The following LDLRAD4 variants were observed in gnomAD, a reference collection of about 807,000 sequenced individuals.
LDLRAD4 encodes low density lipoprotein receptor class A domain containing 4.
Under a neutral mutation model 17.0 loss-of-function variants are expected in LDLRAD4, and 5 were observed. That is an observed-to-expected ratio of 0.29 (90% CI 0.15 to 0.62). The LOEUF is 0.62. LDLRAD4 is among the 20% of genes least tolerant of loss of function. LDLRAD4 has a pLI of 0.84. For synonymous variants in LDLRAD4, 168 were observed against 171.8 expected, an observed-to-expected ratio of 0.98 and a Z score of 0.17; for missense variants, 340 against 424.7, an observed-to-expected ratio of 0.80 and a Z score of 1.75.
intron 3 of LDLRAD4, among the ~76,000 whole-genome samples, chr18:13,581,990 A>G (rs908759064): frequency 3.3e-5 from 5 of 152,180 alleles, no homozygotes; most frequent in Admixed American, 3.3e-4. Flanking sequence ...ACATGCATGT[A>G]TCTTTCTGTG....
At chr18:13,508,778 T>C (rs962951905) in intron 3 of LDLRAD4, among the ~76,000 whole-genome samples, 4 of 152,184 alleles carry the variant, frequency 2.6e-5, no homozygotes, top group East Asian at 1.9e-4. Context: ...ACAGAGAGGT[T>C]AATGTTATTT....
intron 3 of LDLRAD4, among the ~76,000 whole-genome samples, chr18:13,531,305 T>A (rs1230118886): frequency 1.3e-5 from 2 of 152,166 alleles, no homozygotes; most frequent in Admixed American, 1.3e-4. Flanking sequence ...TACGGCTTAA[T>A]AATCACACTT....
chr18:13,428,542 C>T (rs1443246140), intron 2 of LDLRAD4, among the ~76,000 whole-genome samples: 1 of 152,188 alleles, frequency 6.6e-6, no homozygotes, highest in Non-Finnish European at 1.5e-5. Context: ...GATCTGACTT[C>T]CATCTCAGCA....
chr18:13,503,400 C>T (rs145171378), intron 3 of LDLRAD4, among the ~76,000 whole-genome samples: 47 of 152,322 alleles, frequency 3.1e-4, no homozygotes, highest in African/African-American at 1.0e-3. Context: ...CTTGAACAAA[C>T]GGCCATGTGT....
At chr18:13,350,887 A>G (rs2082998815) in intron 1 of LDLRAD4, among the ~76,000 whole-genome samples, 9 of 152,210 alleles carry the variant, frequency 5.9e-5, no homozygotes, top group Non-Finnish European at 1.3e-4. Context: ...TAAATAGGGA[A>G]TCCTTTCCCC....
rs547522400 is a variant in LDLRAD4, at chr18:13,219,628, G to A, written c.-467+640G>A. Among the ~76,000 whole-genome samples the A allele has an allele frequency of 9.1e-4, 139 of 152,348 alleles. 1 individual carries two copies. Among genetic ancestry groups the A allele is most frequent in the African/African-American group, 3.1e-3 (130 of 41,574 alleles). ...AAGTTATTTGCAGTAGAGGTGGATA[G>A]AGATGGTGAGCAGCATTGACTCTCA... On this transcript the variant is annotated intron_variant, in intron 1 of 5. Transcript: ENST00000399848.
intron 1 of LDLRAD4, among the ~76,000 whole-genome samples, chr18:13,247,705 G>A (rs750455123): frequency 2.0e-5 from 3 of 152,034 alleles, no homozygotes; most frequent in Non-Finnish European, 2.9e-5. Flanking sequence ...TGTGCCTGGC[G>A]GTGTGCTTGT....
exon 6 of LDLRAD4, chr18:13,649,411 T>A (rs1206225258): frequency 1.3e-5 from 2 of 152,382 alleles, no homozygotes; most frequent in African/African-American, 4.8e-5. Flanking sequence ...TCCTCTATCT[T>A]CCATCCAGCG....
At chr18:13,437,794 G>A (rs546500632) in intron 2 of LDLRAD4, among the ~76,000 whole-genome samples, 77 of 152,360 alleles carry the variant, frequency 5.1e-4, no homozygotes, top group African/African-American at 1.6e-3. Context: ...ATGTCTGAGT[G>A]TTCTTTTGTT....
chr18:13,522,261 A>G (rs1873489851), intron 3 of LDLRAD4: 1 of 152,212 alleles, frequency 6.6e-6, no homozygotes, highest in South Asian at 2.1e-4. Flanking sequence ...CTAGAACCAA[A>G]GGACCTCTCC....
intron 3 of LDLRAD4, among the ~76,000 whole-genome samples, chr18:13,549,656 G>C (rs956507045): frequency 1.3e-5 from 2 of 151,836 alleles, no homozygotes; most frequent in Non-Finnish European, 2.9e-5. Context: ...TGCTGGAAGA[G>C]GGAGGAAACT....
At chr18:13,280,668 C>T (rs556826336) in intron 1 of LDLRAD4, among the ~76,000 whole-genome samples, 9 of 152,324 alleles carry the variant, frequency 5.9e-5, no homozygotes, top group East Asian at 1.9e-4. Context: ...CCCTGACCTC[C>T]GCATAAGACA....
intron 3 of LDLRAD4, among the ~76,000 whole-genome samples, chr18:13,439,512 A>G (rs778921279): frequency 2.6e-5 from 4 of 152,106 alleles, no homozygotes; most frequent in Non-Finnish European, 5.9e-5. Context: ...CCATCTCTAT[A>G]CTTTGCAAAG....
intron 3 of LDLRAD4, among the ~76,000 whole-genome samples, chr18:13,517,087 G>A (rs895338037): frequency 1.3e-5 from 2 of 152,348 alleles, no homozygotes; most frequent in Admixed American, 1.3e-4. Context: ...CTGGACTCAA[G>A]CGATCCTCCC....
At chr18:13,387,495 C>T in exon 2 of LDLRAD4, 1 of 482,616 alleles carries the variant, frequency 2.1e-6, no homozygotes, top group Non-Finnish European at 3.7e-6. Context: ...CCTCCGCGCC[C>T]TGGCTGGACG....
intron 4 of LDLRAD4, among the ~76,000 whole-genome samples, chr18:13,636,559 G>A (rs1457347996): frequency 3.2e-5 from 2 of 62,800 alleles, no homozygotes; most frequent in Non-Finnish European, 6.2e-5. Flanking sequence ...GCAGCGGCGC[G>A]ATCTCTGCTC....
intron 3 of LDLRAD4, among the ~76,000 whole-genome samples, chr18:13,560,805 G>A (rs1421376950): frequency 3.3e-5 from 5 of 152,186 alleles, no homozygotes; most frequent in Admixed American, 1.3e-4. Flanking sequence ...AGCTGTAGTT[G>A]TTGCTGTGGC....
chr18:13,372,246 G>T (rs375252372), intron 1 of LDLRAD4, among the ~76,000 whole-genome samples: 97 of 152,288 alleles, frequency 6.4e-4, no homozygotes, highest in African/African-American at 2.1e-3. Flanking sequence ...CCTGTTCTTC[G>T]CAGGGCAGAC....
At chr18:13,294,175 A>C (rs1387862976) in intron 1 of LDLRAD4, among the ~76,000 whole-genome samples, 2 of 152,252 alleles carry the variant, frequency 1.3e-5, no homozygotes, top group Non-Finnish European at 2.9e-5. Flanking sequence ...AAATGGGTTA[A>C]TTAACCTCCG....
Sources: gnomAD v4.1 joint callset for allele counts (sites outside exome capture counted in the v4.1 genomes callset) on GRCh38, gnomAD v4.1.1 for gene constraint, MANE v1.5 for transcripts, NCBI Gene and HGNC (gene_info 2026-07-23, HGNC 2026-07-21) for gene names.